Variants in SIRT1 observed in about 807,000 individuals in gnomAD.
SIRT1 encodes the protein sirtuin 1, also known as NAD-dependent protein deacetylase sirtuin-1.
SIRT1 carries 24 observed loss-of-function variants against 67.9 expected under a neutral mutation model. That is an observed-to-expected ratio of 0.35 (90% CI 0.26 to 0.50). The LOEUF (loss-of-function observed/expected upper bound fraction) is 0.50. SIRT1 is among the 20% of genes least tolerant of loss of function. The pLI, the probability that SIRT1 is intolerant of heterozygous loss-of-function variation, is 0.98. For missense variants in SIRT1, 873 were observed against 937.2 expected (o/e 0.93, Z 0.89); for synonymous variants, 378 against 350.7 (o/e 1.08, Z -0.87).
At position 67,917,855 on chromosome 10, in the gene SIRT1, CAAG is replaced by C. The variant is rs941111390; in HGVS notation, c.*1266_*1268del. On this transcript the variant is annotated 3_prime_UTR_variant, in exon 9 of 9. Coordinates refer to ENST00000212015, the MANE Select transcript of SIRT1 (RefSeq NM_012238.5). ...TCAGCTGCAAAAGCTTCTAGTCTTT[CAAG>C]AAGTTCATACTTTATGAAATTGCAC... is the stretch of plus-strand genomic sequence containing the variant. 3 of 152,548 alleles carry C rather than the reference CAAG, an allele frequency of 2.0e-5. No individual in the cohort carries two copies. The highest frequency in any genetic ancestry group is 4.4e-5 in the Non-Finnish European group (3 of 68,028). The allele number at this position is 152,548 out of a possible 1,614,324, so 9.4% of individuals were successfully genotyped here.
intron 7 of SIRT1, among the ~76,000 whole-genome samples, chr10:67,912,146 C>G (rs34403332): frequency 9.0e-4 from 137 of 152,276 alleles, no homozygotes; most frequent in African/African-American, 2.9e-3. Flanking sequence ...CTCATTTAAT[C>G]CTCACCACAG....
intron 7 of SIRT1, among the ~76,000 whole-genome samples, chr10:67,911,109 A>G (rs1043569288): frequency 6.6e-6 from 1 of 152,274 alleles, no homozygotes; most frequent in African/African-American, 2.4e-5. Context: ...TTGCAATTAA[A>G]TGAAACATGA....
rs2131895580 is a variant in SIRT1 at position 67,916,192 on chromosome 10, ACTT to A, written c.1916-71_1916-69del. On this transcript the variant is annotated intron_variant, in intron 8 of 8. Transcript: ENST00000212015. ...TAATAAAGGCAGAGCTGGAACCCAC[ACTT>A]CATTCCAGACTGCTCAGACTGAGTT... 2.4e-5 allele frequency: 32 copies of A among 1,311,172 alleles called. No individual in the cohort carries two copies. The South Asian group carries it at 2.9e-4, about 12-fold the overall frequency. 81.2% of individuals were successfully genotyped at this position (1,311,172 alleles called of 1,614,324 possible).
At chr10:67,897,358 G>A (rs1295491639) in intron 4 of SIRT1, among the ~76,000 whole-genome samples, 1 of 149,202 alleles carries the variant, frequency 6.7e-6, no homozygotes, top group African/African-American at 2.5e-5. Flanking sequence ...TGTGATCTCG[G>A]CTCACTTGCA....
At chr10:67,894,923 C>T (rs921876063) in intron 4 of SIRT1, among the ~76,000 whole-genome samples, 3 of 152,078 alleles carry the variant, frequency 2.0e-5, no homozygotes, top group South Asian at 2.1e-4. Flanking sequence ...CGTGTCTCGT[C>T]GTGACCTCGT....
rs1307835468 is a variant in SIRT1, at chr10:67,900,544, A to G, written c.943-6246A>G. On this transcript the variant is annotated intron_variant, in intron 4 of 8. Coordinates refer to ENST00000212015, the MANE Select transcript of SIRT1 (RefSeq NM_012238.5). ...ACTGCAGCCTCCAACTCTTGGGCTC[A>G]AATGATTCTCCTGTCTCAGCCTCCC... Among the ~76,000 whole-genome samples the G allele has an allele frequency of 2.0e-5, 3 of 152,176 alleles. No homozygotes were observed. In the East Asian group the frequency reaches 5.8e-4, roughly 29 times the overall value.
intron 6 of SIRT1, 37 bp downstream of exon 6, chr10:67,908,162 C>T (rs1424116924): frequency 3.2e-6 from 5 of 1,539,904 alleles, no homozygotes; most frequent in Non-Finnish European, 3.6e-6. Flanking sequence ...TTGTTCATGT[C>T]TCTGAAGTAT....
At chr10:67,896,287 A>T (rs1842657058) in intron 4 of SIRT1, among the ~76,000 whole-genome samples, 1 of 152,140 alleles carries the variant, frequency 6.6e-6, no homozygotes, top group South Asian at 2.1e-4. Context: ...CACGTACCAT[A>T]TACCTAGCTA....
intron 4 of SIRT1, among the ~76,000 whole-genome samples, chr10:67,897,243 G>A (rs1460060536): frequency 6.6e-6 from 1 of 151,458 alleles, no homozygotes; most frequent in Non-Finnish European, 1.5e-5. Context: ...CACAAGAACA[G>A]TTAAGGCCAG....
intron 8 of SIRT1, 83 bp downstream of exon 8, chr10:67,913,114 C>T (rs561070230): frequency 9.9e-5 from 135 of 1,357,848 alleles, no homozygotes; most frequent in Admixed American, 3.0e-4. Flanking sequence ...GCAGGTTAAT[C>T]GATAGGGTAG....
chr10:67,891,335 A>G (rs898077289), intron 3 of SIRT1, 67 bp from the exon 4 acceptor site: 1 of 1,420,936 alleles, frequency 7.0e-7, no homozygotes. Context: ...TTATATGGTA[A>G]GAGAGCTAGC....
intron 4 of SIRT1, among the ~76,000 whole-genome samples, chr10:67,895,187 A>T (rs1473823283): frequency 6.6e-6 from 1 of 152,140 alleles, no homozygotes; most frequent in Non-Finnish European, 1.5e-5. Flanking sequence ...TGGGAGGCCG[A>T]GGTGGGTGGA....
intron 1 of SIRT1, among the ~76,000 whole-genome samples, chr10:67,887,162 G>A (rs1369157053): frequency 6.6e-6 from 1 of 152,110 alleles, no homozygotes; most frequent in Non-Finnish European, 1.5e-5. Flanking sequence ...GTGAGCCACC[G>A]CTCCCGGCTA....
chr10:67,897,196 A>G (rs1842671805), intron 4 of SIRT1, among the ~76,000 whole-genome samples: 1 of 151,986 alleles, frequency 6.6e-6, no homozygotes, highest in Admixed American at 6.6e-5. Flanking sequence ...AGTGTGTTAC[A>G]GTGTGCTTAG....
chr10:67,896,397 G>A (rs917864862), intron 4 of SIRT1, among the ~76,000 whole-genome samples: 1 of 152,196 alleles, frequency 6.6e-6, no homozygotes, highest in Non-Finnish European at 1.5e-5. Context: ...CTCCTGCTTA[G>A]CCTTACAGAG....
At chr10:67,885,265 C>T (rs759226391) in intron 1 of SIRT1, 114 bp downstream of exon 1, 122 of 1,247,468 alleles carry the variant, frequency 9.8e-5, no homozygotes, top group East Asian at 6.3e-5. Context: ...GCGGCGTTCC[C>T]CTCCCCACCC....
chr10:67,910,575 G>A (rs1209500051), intron 7 of SIRT1, among the ~76,000 whole-genome samples: 1 of 152,008 alleles, frequency 6.6e-6, no homozygotes, highest in African/African-American at 2.4e-5. Context: ...AAATTTAATT[G>A]ATTTCACATT....
rs201857374 is a variant in SIRT1, at chr10:67,884,680, G to C, written c.-42G>C. On this transcript the variant is annotated 5_prime_UTR_variant, in exon 1 of 9. Transcript: ENST00000212015. ...CGCCAGTGCCGCGCGTCGAGCGGGA[G>C]CAGAGGAGGCGAGGGAGGAGGGCCA... The C allele has an allele frequency of 5.7e-4, 697 of 1,226,852 alleles. 2 individuals carry two copies. The highest frequency in any genetic ancestry group is 1.2e-3 in the Middle Eastern group (4 of 3,266). 76.0% of individuals were successfully genotyped at this position (1,226,852 alleles called of 1,614,324 possible).
At chr10:67,908,733 C>G (rs981815211) in intron 6 of SIRT1, among the ~76,000 whole-genome samples, 2 of 152,110 alleles carry the variant, frequency 1.3e-5, no homozygotes, top group African/African-American at 4.8e-5. Flanking sequence ...AAAACCCCGT[C>G]TCTCTTAAAA....
Sources: allele counts gnomAD v4.1 joint callset (sites outside exome capture counted in the v4.1 genomes callset), GRCh38; gene constraint gnomAD v4.1.1; transcripts MANE v1.5; gene names NCBI Gene and HGNC (gene_info 2026-07-23, HGNC 2026-07-21).